PLPP1: variants seen among roughly 807,000 people sequenced by gnomAD.
PLPP1 encodes the protein phospholipid phosphatase 1, also known as lipid phosphate phosphohydrolase 1a.
In PLPP1, 24 loss-of-function variants were observed where a neutral mutation model predicts 31.2. The ratio of observed to expected loss-of-function variants is 0.77; its 90% confidence interval spans 0.56 to 1.08. The LOEUF (loss-of-function observed/expected upper bound fraction) is 1.08, where lower values mean the gene tolerates loss of function less well. PLPP1 is among the 50% of genes least tolerant of loss of function. PLPP1 has a pLI of 0.00. For synonymous variants in PLPP1, 146 were observed against 126.3 expected (o/e 1.16, Z -1.05); for missense variants, 319 against 342.7 (o/e 0.93, Z 0.55).
At chr5:55,512,197 G>A (rs1235406505) in intron 1 of PLPP1, among the ~76,000 whole-genome samples, 5 of 151,910 alleles carry the variant, frequency 3.3e-5, no homozygotes, top group Non-Finnish European at 5.9e-5. Flanking sequence ...CTGGTCAGGC[G>A]ATGCAGCTCA....
At chr5:55,453,312 T>C (rs1474267853) in intron 3 of PLPP1, among the ~76,000 whole-genome samples, 2 of 152,322 alleles carry the variant, frequency 1.3e-5, no homozygotes, top group Admixed American at 6.5e-5. Context: ...CACTAAGTTA[T>C]CTAATTTAGA....
At position 55,456,989 on chromosome 5, in the gene PLPP1, G is replaced by A. The variant is rs186299939; in HGVS notation, c.491+10880C>T. Among the ~76,000 whole-genome samples the A allele has an allele frequency of 2.0e-5, 3 of 151,722 alleles. No homozygotes were observed. The East Asian group carries it at 5.8e-4, about 30-fold the overall frequency. On this transcript the variant is annotated intron_variant, in intron 3 of 5. Coordinates refer to ENST00000307259, the MANE Select transcript of PLPP1 (RefSeq NM_003711.4). ...AGCCTGGCCAACATGGTGAAACCCC[G>A]TCTCTACTACAAATACAAAAATTAC...
At chr5:55,526,741 G>C (rs981942505) in intron 1 of PLPP1, among the ~76,000 whole-genome samples, 2 of 151,970 alleles carry the variant, frequency 1.3e-5, no homozygotes, top group African/African-American at 4.8e-5. Context: ...GACCATCCTG[G>C]CTAACACGGT....
intron 4 of PLPP1, among the ~76,000 whole-genome samples, chr5:55,437,918 A>G (rs1474212318): frequency 6.6e-6 from 1 of 152,248 alleles, no homozygotes; most frequent in Non-Finnish European, 1.5e-5. Context: ...ATGCTAAATG[A>G]GGGATTATAT....
At chr5:55,501,279 C>CTCCA (rs1462276126) in intron 1 of PLPP1, among the ~76,000 whole-genome samples, 1 of 152,062 alleles carries the variant, frequency 6.6e-6, no homozygotes, top group Non-Finnish European at 1.5e-5. Flanking sequence ...TGCCATTGCA[C>CTCCA]TCCAGCCTGG....
intron 1 of PLPP1, among the ~76,000 whole-genome samples, chr5:55,532,828 G>C (rs1426789466): frequency 1.3e-5 from 2 of 151,892 alleles, no homozygotes; most frequent in Non-Finnish European, 2.9e-5. Context: ...ATGGTGGTAT[G>C]TGCTTGTAAT....
chr5:55,483,648 G>A (rs1752715415), intron 1 of PLPP1, among the ~76,000 whole-genome samples: 1 of 146,482 alleles, frequency 6.8e-6, no homozygotes, highest in African/African-American at 2.5e-5. Context: ...CTCTAGCCTG[G>A]GTGACAAAGG....
At chr5:55,429,998 G>A (rs554391677) in intron 4 of PLPP1, among the ~76,000 whole-genome samples, 4 of 152,096 alleles carry the variant, frequency 2.6e-5, no homozygotes, top group African/African-American at 9.6e-5. Flanking sequence ...ACACCATCGG[G>A]CGTTGGAGGG....
At chr5:55,429,284 T>C (rs1415213721) in intron 4 of PLPP1, among the ~76,000 whole-genome samples, 1 of 151,894 alleles carries the variant, frequency 6.6e-6, no homozygotes, top group Non-Finnish European at 1.5e-5. Context: ...TGGTACTTGC[T>C]TTCTGCTTGA....
At chr5:55,427,334 G>A (rs1751228869) in intron 4 of PLPP1, among the ~76,000 whole-genome samples, 1 of 152,134 alleles carries the variant, frequency 6.6e-6, no homozygotes, top group Non-Finnish European at 1.5e-5. Flanking sequence ...AAGACCCAGG[G>A]CTTATCTAAT....
intron 3 of PLPP1, among the ~76,000 whole-genome samples, chr5:55,464,017 C>T (rs1355163910): frequency 2.0e-5 from 3 of 150,750 alleles, no homozygotes; most frequent in South Asian, 2.1e-4. Context: ...AAGAAACACA[C>T]GAAAAGATGT....
chr5:55,508,867 C>G (rs1015981975), intron 1 of PLPP1: 1 of 154,078 alleles, frequency 6.5e-6, no homozygotes, highest in Non-Finnish European at 1.5e-5. Flanking sequence ...TTATTTGACC[C>G]TAAAACGTTC....
At chr5:55,490,370 G>A (rs573615386) in intron 1 of PLPP1, among the ~76,000 whole-genome samples, 14 of 151,890 alleles carry the variant, frequency 9.2e-5, no homozygotes, top group South Asian at 6.2e-4. Context: ...GGCTGGTCTC[G>A]AACTCCTGAC....
chr5:55,449,321 T>C (rs984364217), intron 3 of PLPP1, among the ~76,000 whole-genome samples: 4 of 152,174 alleles, frequency 2.6e-5, no homozygotes, highest in Middle Eastern at 3.2e-3. Flanking sequence ...ACGGTGATAA[T>C]ACTGGAAACA....
At chr5:55,508,527 A>C (rs1434181119) in intron 1 of PLPP1, among the ~76,000 whole-genome samples, 4 of 152,244 alleles carry the variant, frequency 2.6e-5, no homozygotes, top group African/African-American at 9.6e-5. Context: ...GTCATCCTGC[A>C]AAACAGGTAT....
In PLPP1 at chr5:55,475,433, T is replaced by A. The variant is rs1181440670; in HGVS notation, c.76A>T (p.Ile26Phe). 1.2e-6 allele frequency: 2 copies of A among 1,602,260 alleles called. No individual in the cohort carries two copies. Among genetic ancestry groups the A allele is most frequent in the Admixed American group, 3.5e-5 (2 of 56,902 alleles). Reference sequence around the variant, plus strand: ...AAGGGGGTATGCCTTGAAGTAAGAATTGCAAAAGGCAATCCAGCTAGCAAA... The same window carrying A: ...AAGGGGGTATGCCTTGAAGTAAGAAATGCAAAAGGCAATCCAGCTAGCAAA... ...CVLLAGLPFAILTSRHTPFQR... is the reference protein window; with the variant it reads ...CVLLAGLPFAFLTSRHTPFQR... Residue 26 changes from isoleucine (I) to phenylalanine (F), a missense_variant, in exon 2 of 6, where the codon ATT (isoleucine) becomes TTT (phenylalanine). Transcript: ENST00000307259.
At chr5:55,494,185 A>G (rs1186907423) in intron 1 of PLPP1, among the ~76,000 whole-genome samples, 1 of 152,152 alleles carries the variant, frequency 6.6e-6, no homozygotes, top group Non-Finnish European at 1.5e-5. Context: ...TCCAGGAAAA[A>G]AAAAAAAGGG....
At chr5:55,526,474 G>T (rs1018935683) in intron 1 of PLPP1, among the ~76,000 whole-genome samples, 3 of 152,040 alleles carry the variant, frequency 2.0e-5, no homozygotes, top group Non-Finnish European at 2.9e-5. Context: ...CTTGCAATAG[G>T]ATTCTAGACT....
Position 55,445,117 on chromosome 5 carries a change from C to A in PLPP1, c.492-3209G>T, listed in dbSNP as rs141628848. Reference sequence around the variant, plus strand: ...TCACATTTGCCAGCCAGGGCACCCCCTTCTCAGAGCTGATTAAACTTGGCC... The same window carrying A: ...TCACATTTGCCAGCCAGGGCACCCCATTCTCAGAGCTGATTAAACTTGGCC... On this transcript the variant is annotated intron_variant, in intron 3 of 5. Transcript: ENST00000307259. 8.5e-3 allele frequency among the ~76,000 whole-genome samples: 1,291 copies of A among 152,296 alleles called. 15 individuals are homozygous for A. Among genetic ancestry groups the A allele is most frequent in the South Asian group, 0.046 (223 of 4,822 alleles).
Sources: allele counts gnomAD v4.1 joint callset (sites outside exome capture counted in the v4.1 genomes callset), GRCh38; gene constraint gnomAD v4.1.1; transcripts MANE v1.5; gene names NCBI Gene and HGNC (gene_info 2026-07-23, HGNC 2026-07-21).